Variants in CPD observed in about 807,000 individuals in gnomAD.
CPD encodes the protein carboxypeptidase D, also known as metallocarboxypeptidase D.
Under a neutral mutation model 138.3 loss-of-function variants are expected in CPD, and 69 were observed. That is an observed-to-expected ratio of 0.50 (90% CI 0.41 to 0.61). CPD has a LOEUF of 0.61. Among genes scored for constraint, CPD ranks in the 20% least tolerant of loss-of-function variants. The pLI is 0.00. For missense variants in CPD, 1,432 were observed against 1,733.3 expected, an observed-to-expected ratio of 0.83 and a Z score of 3.09; for synonymous variants, 651 against 642.1, an observed-to-expected ratio of 1.01 and a Z score of -0.21.
intron 2 of CPD, among the ~76,000 whole-genome samples, chr17:30,388,235 C>T (rs1390287360): frequency 6.6e-6 from 1 of 152,196 alleles, no homozygotes; most frequent in Non-Finnish European, 1.5e-5. Context: ...AGGCACAAGT[C>T]CCCACTCCAG....
chr17:30,420,057 A>C (rs553966311), intron 2 of CPD, among the ~76,000 whole-genome samples: 2 of 152,204 alleles, frequency 1.3e-5, no homozygotes, highest in African/African-American at 4.8e-5. Flanking sequence ...TTTATCCACT[A>C]AAAACAAGAT....
At chr17:30,424,804 A>T (rs1912359397) in intron 6 of CPD, among the ~76,000 whole-genome samples, 1 of 152,152 alleles carries the variant, frequency 6.6e-6, no homozygotes, top group Non-Finnish European at 1.5e-5. Context: ...CCAGCCCATG[A>T]TTTCTTCCAG....
Position 30,461,797 on chromosome 17 carries a change from T to A in CPD, c.3631-80T>A. ...TGTTTTGTTTGTTTGTTTGGTTGGT[T>A]TTGGTCATGCCTCAAGCTAGTGCCT... On this transcript the variant is annotated intron_variant, in intron 18 of 20. Coordinates refer to ENST00000225719, the MANE Select transcript of CPD (RefSeq NM_001304.5). 4 of 1,191,068 alleles carry A rather than the reference T, an allele frequency of 3.4e-6. No individual in the cohort carries two copies. The East Asian group carries it at 9.5e-5, about 28-fold the overall frequency. 73.8% of individuals were successfully genotyped at this position (1,191,068 alleles called of 1,614,324 possible). A position where few individuals can be genotyped will look rare whatever the true frequency, so the allele number is the denominator to read the frequency against.
intron 1 of CPD, among the ~76,000 whole-genome samples, chr17:30,381,392 G>A (rs527846581): frequency 6.6e-6 from 1 of 152,236 alleles, no homozygotes; most frequent in South Asian, 2.1e-4. Flanking sequence ...TAGTTGTGCT[G>A]TGACCAAATA....
intron 11 of CPD, 162 bp downstream of exon 11, chr17:30,444,133 A>T: frequency 1.9e-6 from 1 of 532,340 alleles, no homozygotes; most frequent in Non-Finnish European, 3.2e-6. Flanking sequence ...TTAGTGGCAG[A>T]TAGAGTACAC....
At chr17:30,451,064 C>T (rs752292317) in intron 13 of CPD, among the ~76,000 whole-genome samples, 5 of 152,070 alleles carry the variant, frequency 3.3e-5, no homozygotes, top group Admixed American at 1.3e-4. Context: ...ATTTTATATA[C>T]GTCATTATAT....
At chr17:30,430,839 G>C (rs1319320099) in intron 7 of CPD, among the ~76,000 whole-genome samples, 1 of 151,682 alleles carries the variant, frequency 6.6e-6, no homozygotes, top group Non-Finnish European at 1.5e-5. Context: ...TTTTTGTAGA[G>C]ACAGGGTCTC....
intron 2 of CPD, among the ~76,000 whole-genome samples, chr17:30,390,423 T>A (rs1001309556): frequency 6.6e-6 from 1 of 152,204 alleles, no homozygotes; most frequent in African/African-American, 2.4e-5. Context: ...AACCCTTTTG[T>A]TTTAGAGAAA....
In CPD at chr17:30,385,237, G is replaced by A. The variant is rs1567864275; in HGVS notation, c.994+1G>A. On this transcript the variant is annotated splice_donor_variant, in intron 2 of 20. Transcript: ENST00000225719. LOFTEE classifies it high-confidence loss of function. ...GGCGCACATTGGTATGATGTGGAAG[G>A]TATGCAAAGCATTGAGTTTGCTACA... 1 of 1,613,640 alleles carries A rather than the reference G, an allele frequency of 6.2e-7. No individual in the cohort carries two copies. Among genetic ancestry groups the A allele is most frequent in the Middle Eastern group, 1.7e-4 (1 of 6,058 alleles).
intron 13 of CPD, among the ~76,000 whole-genome samples, chr17:30,450,993 G>A (rs1223464866): frequency 6.6e-6 from 1 of 152,138 alleles, no homozygotes; most frequent in African/African-American, 2.4e-5. Context: ...GTGGACTTAG[G>A]AAAGGGAAAA....
chr17:30,442,607 A>G (rs1327947668), intron 10 of CPD, among the ~76,000 whole-genome samples, 157 bp downstream of exon 10: 2 of 152,174 alleles, frequency 1.3e-5, no homozygotes, highest in African/African-American at 2.4e-5. Flanking sequence ...GGTGTTTAAT[A>G]TATTTATCTA....
chr17:30,426,948 A>AG (rs1307173433), intron 6 of CPD, among the ~76,000 whole-genome samples: 2 of 152,046 alleles, frequency 1.3e-5, no homozygotes, highest in Non-Finnish European at 2.9e-5. Context: ...TGGGAGGCTG[A>AG]GGGGGGTGGG....
chr17:30,445,968 G>C lies in CPD; in HGVS notation c.2821G>C (p.Glu941Gln), dbSNP rs201995465. 4 of 1,613,524 alleles carry C rather than the reference G, an allele frequency of 2.5e-6. No homozygotes were observed. The Admixed American group carries it at 5.0e-5, about 20-fold the overall frequency. ...YRYHSYKDLSEFLRGLVMNYP... is the reference protein window; with the variant it reads ...YRYHSYKDLSQFLRGLVMNYP... ...ATACCATTCCTACAAAGACTTATCA[G>C]AGTTTCTGAGAGGACTTGTAATGAA... The change falls in exon 12 of 21, where the codon GAG (glutamate) becomes CAG (glutamine). Residue 941 changes from glutamate (E) to glutamine (Q), a missense_variant. Physicochemically the swap from Glu to Gln is conservative, Grantham distance 29 (BLOSUM62 2). This residue lies in a region of CPD where 124 missense variants were observed against 117.0 expected (regional missense o/e 1.06). Transcript: ENST00000225719.
At chr17:30,410,398 T>A (rs909635987) in intron 2 of CPD, among the ~76,000 whole-genome samples, 1 of 152,178 alleles carries the variant, frequency 6.6e-6, no homozygotes, top group African/African-American at 2.4e-5. Context: ...CTGAGTTCAA[T>A]TCCTGGATAT....
At chr17:30,438,853 C>T in intron 8 of CPD, 122 bp from the exon 9 acceptor site, 1 of 550,932 alleles carries the variant, frequency 1.8e-6, no homozygotes. Flanking sequence ...CACCCCACTC[C>T]CACCTCCACC....
At chr17:30,447,577 T>C (rs992894581) in intron 12 of CPD, 1 of 152,198 alleles carries the variant, frequency 6.6e-6, no homozygotes. Context: ...TTTATTTTGC[T>C]TGGGGCAAGG....
intron 17 of CPD, among the ~76,000 whole-genome samples, chr17:30,459,432 C>G (rs1249918620): frequency 6.7e-6 from 1 of 149,284 alleles, no homozygotes; most frequent in African/African-American, 2.5e-5. Flanking sequence ...TCCATGTGTT[C>G]TCATTGTTCA....
At chr17:30,452,679 C>T (rs1913197027) in intron 14 of CPD, among the ~76,000 whole-genome samples, 1 of 150,496 alleles carries the variant, frequency 6.6e-6, no homozygotes, top group Non-Finnish European at 1.5e-5. Context: ...TGATTTTTTG[C>T]TTTTGTAAAC....
intron 2 of CPD, among the ~76,000 whole-genome samples, chr17:30,413,165 A>G (rs1912012882): frequency 6.6e-6 from 1 of 152,242 alleles, no homozygotes; most frequent in African/African-American, 2.4e-5. Context: ...TTGTATTGTG[A>G]CCAATGTAGT....
Sources: allele counts gnomAD v4.1 joint callset (sites outside exome capture counted in the v4.1 genomes callset), GRCh38; gene constraint gnomAD v4.1.1; regional missense constraint gnomAD v4.1.1; transcripts MANE v1.5; gene names NCBI Gene and HGNC (gene_info 2026-07-23, HGNC 2026-07-21).